The following GRIK2 variants were observed in gnomAD, a reference collection of about 807,000 sequenced individuals.
GRIK2 encodes the protein glutamate ionotropic receptor kainate type subunit 2.
A neutral mutation model predicts 100.3 loss-of-function variants in GRIK2; 32 were observed. The observed-to-expected ratio is 0.32, with a 90% CI of 0.24 to 0.43. The LOEUF (loss-of-function observed/expected upper bound fraction) is 0.43, where lower values mean the gene tolerates loss of function less well. GRIK2 is among the 20% of genes least tolerant of loss of function. GRIK2 has a pLI of 1.00. For synonymous variants in GRIK2, 417 were observed against 389.4 expected (o/e 1.07, Z -0.83); for missense variants, 843 against 1,114.9 (o/e 0.76, Z 3.47).
At chr6:101,439,079 C>T (rs1769898527) in intron 2 of GRIK2, among the ~76,000 whole-genome samples, 1 of 152,128 alleles carries the variant, frequency 6.6e-6, no homozygotes. Flanking sequence ...AACAATTGCT[C>T]AGCTGCTTTC....
chr6:102,035,081 T>A (rs1462291454), intron 14 of GRIK2, among the ~76,000 whole-genome samples: 3 of 151,140 alleles, frequency 2.0e-5, no homozygotes, highest in African/African-American at 4.8e-5. Context: ...GGGATGTGAT[T>A]TTAAACATGA....
intron 14 of GRIK2, among the ~76,000 whole-genome samples, chr6:101,984,655 A>ACACACACACAC (rs369665252): frequency 1.3e-5 from 2 of 148,638 alleles, no homozygotes; most frequent in Non-Finnish European, 3.0e-5. Context: ...ACACACACAC[A>ACACACACACAC]CCCTTCAACT....
At chr6:101,913,472 T>C (rs1202666492) in intron 12 of GRIK2, among the ~76,000 whole-genome samples, 1 of 151,574 alleles carries the variant, frequency 6.6e-6, no homozygotes, top group East Asian at 1.9e-4. Context: ...CTATTTTCAG[T>C]ATTGTTCTAA....
intron 7 of GRIK2, among the ~76,000 whole-genome samples, chr6:101,714,886 CTG>C (rs1349019340): frequency 6.6e-6 from 1 of 151,582 alleles, no homozygotes; most frequent in Admixed American, 6.6e-5. Flanking sequence ...CACTAAAAAT[CTG>C]AAGCATTTTT....
intron 2 of GRIK2, among the ~76,000 whole-genome samples, chr6:101,444,349 TA>T (rs1770248283): frequency 2.0e-5 from 3 of 152,248 alleles, no homozygotes; most frequent in South Asian, 4.1e-4. Flanking sequence ...TTTAATACTT[TA>T]AAAATATTTT....
At chr6:101,976,193 C>T (rs1379775640) in intron 14 of GRIK2, among the ~76,000 whole-genome samples, 6 of 151,836 alleles carry the variant, frequency 4.0e-5, no homozygotes, top group African/African-American at 9.7e-5. Context: ...TAACAGTAAA[C>T]ATAGGGCAAT....
intron 12 of GRIK2, among the ~76,000 whole-genome samples, chr6:101,922,966 A>G (rs994500430): frequency 2.0e-5 from 3 of 152,246 alleles, no homozygotes; most frequent in Admixed American, 6.5e-5. Context: ...GTCTAAAACC[A>G]AAGCTAGTTC....
chr6:101,975,461 A>T (rs1228037792), intron 14 of GRIK2, among the ~76,000 whole-genome samples: 1 of 151,978 alleles, frequency 6.6e-6, no homozygotes, highest in Non-Finnish European at 1.5e-5. Flanking sequence ...AACCAAGAAA[A>T]GGGCTTGTTG....
chr6:101,430,182 G>C (rs1372084199), intron 2 of GRIK2, among the ~76,000 whole-genome samples: 1 of 152,132 alleles, frequency 6.6e-6, no homozygotes, highest in African/African-American at 2.4e-5. Context: ...CATGTACTAA[G>C]GGTTTAAATC....
At chr6:101,765,039 T>C (rs1777959455) in intron 7 of GRIK2, among the ~76,000 whole-genome samples, 1 of 152,148 alleles carries the variant, frequency 6.6e-6, no homozygotes, top group African/African-American at 2.4e-5. Flanking sequence ...CAACACTGTC[T>C]TGTTGTCTCT....
At chr6:101,681,005 A>G (rs898486349) in intron 5 of GRIK2, among the ~76,000 whole-genome samples, 2 of 152,154 alleles carry the variant, frequency 1.3e-5, no homozygotes, top group Non-Finnish European at 2.9e-5. Flanking sequence ...ATACATTCCA[A>G]ATTTTTCACA....
intron 2 of GRIK2, among the ~76,000 whole-genome samples, chr6:101,585,319 G>A (rs1243599103): frequency 2.6e-5 from 4 of 152,034 alleles, no homozygotes; most frequent in Non-Finnish European, 4.4e-5. Flanking sequence ...ATACGTATGT[G>A]AGTATGAGTA....
intron 2 of GRIK2, among the ~76,000 whole-genome samples, chr6:101,616,415 A>G (rs1305509806): frequency 6.6e-6 from 1 of 151,818 alleles, no homozygotes; most frequent in Non-Finnish European, 1.5e-5. Context: ...ACCAAGGTTA[A>G]TATATTGTTA....
rs58920833 is a variant in GRIK2, at chr6:101,799,277, TTGTGTG to T, written c.952-347_952-342del. Among the ~76,000 whole-genome samples, 214 of 146,644 alleles carry T rather than the reference TTGTGTG, an allele frequency of 1.5e-3. 2 individuals carry two copies. The highest frequency in any genetic ancestry group is 2.1e-3 in the Non-Finnish European group (139 of 66,080). ...ATTAAAAATGTTAGCAATGTACTCA[TTGTGTG>T]TGTGTGTGTGTGTGTGTGTGTGTAT... On this transcript the variant is annotated intron_variant, in intron 7 of 16. Coordinates refer to ENST00000369134, the MANE Select transcript of GRIK2 (RefSeq NM_021956.5).
chr6:101,773,891 A>G (rs1289942088), intron 7 of GRIK2, among the ~76,000 whole-genome samples: 1 of 152,166 alleles, frequency 6.6e-6, no homozygotes, highest in Non-Finnish European at 1.5e-5. Flanking sequence ...TCAAAATTTT[A>G]TGACAAGTTG....
chr6:102,039,264 T>C (rs1423712385), intron 15 of GRIK2, among the ~76,000 whole-genome samples: 1 of 151,452 alleles, frequency 6.6e-6, no homozygotes, highest in Non-Finnish European at 1.5e-5. Flanking sequence ...TCAACAATGA[T>C]GTGAAAGTAA....
chr6:101,443,156 A>C (rs994266407), intron 2 of GRIK2, among the ~76,000 whole-genome samples: 1 of 152,132 alleles, frequency 6.6e-6, no homozygotes, highest in Non-Finnish European at 1.5e-5. Context: ...TCTTTAAGGA[A>C]AGGCACCTGG....
intron 2 of GRIK2, among the ~76,000 whole-genome samples, chr6:101,583,546 G>T (rs1778205350): frequency 6.6e-6 from 1 of 152,014 alleles, no homozygotes; most frequent in Admixed American, 6.6e-5. Flanking sequence ...CTAGTCCTTA[G>T]CTTCCTCAAC....
intron 2 of GRIK2, among the ~76,000 whole-genome samples, chr6:101,472,373 A>G (rs1405212418): frequency 6.6e-6 from 1 of 151,688 alleles, no homozygotes; most frequent in Non-Finnish European, 1.5e-5. Flanking sequence ...TTGTTCTGGT[A>G]TTTTTCAAAA....
Sources: gnomAD v4.1 joint callset for allele counts (sites outside exome capture counted in the v4.1 genomes callset) on GRCh38, gnomAD v4.1.1 for gene constraint, MANE v1.5 for transcripts, NCBI Gene and HGNC (gene_info 2026-07-23, HGNC 2026-07-21) for gene names.